FMN1: variants seen among roughly 807,000 people sequenced by gnomAD.
The protein encoded by FMN1 is formin 1.
In FMN1, 110 loss-of-function variants were observed where a neutral mutation model predicts 132.4. The observed-to-expected ratio is 0.83, with a 90% CI of 0.71 to 0.97. FMN1 has a LOEUF of 0.97. FMN1 is among the 50% of genes least tolerant of loss of function. The pLI is 0.00. For synonymous variants in FMN1, 722 were observed against 651.7 expected, an observed-to-expected ratio of 1.11 and a Z score of -1.64; for missense variants, 1,792 against 1,705.3, an observed-to-expected ratio of 1.05 and a Z score of -0.90.
rs191967778 is a variant in FMN1 at position 33,035,796 on chromosome 15, A to C, written c.2162-27721T>G. On this transcript the variant is annotated intron_variant, in intron 6 of 20. Coordinates refer to ENST00000616417, the MANE Select transcript of FMN1 (RefSeq NM_001277313.2). ...CCCCCTCCAAAACTCATGTTAAAAC[A>C]TAGCCCACAATGTGGCAATATTTTG... is the stretch of plus-strand genomic sequence containing the variant. 2.0e-5 allele frequency among the ~76,000 whole-genome samples: 3 copies of C among 152,356 alleles called. No homozygotes were observed. The East Asian group carries it at 5.8e-4, about 29-fold the overall frequency.
chr15:32,808,650 G>A (rs1489541297), intron 17 of FMN1, among the ~76,000 whole-genome samples: 1 of 152,208 alleles, frequency 6.6e-6, no homozygotes, highest in Admixed American at 6.5e-5. Context: ...ACCTTGCAAA[G>A]TGCTTGTGAC....
intron 6 of FMN1, among the ~76,000 whole-genome samples, chr15:33,045,329 G>C (rs917282102): frequency 6.6e-6 from 1 of 152,190 alleles, no homozygotes; most frequent in East Asian, 1.9e-4. Flanking sequence ...TGGAGTCCAG[G>C]CCAGTAGCAC....
chr15:32,922,737 G>A (rs572294484), intron 10 of FMN1, among the ~76,000 whole-genome samples: 4 of 152,304 alleles, frequency 2.6e-5, no homozygotes, highest in South Asian at 4.1e-4. Flanking sequence ...AAATTGGAAT[G>A]CCTGAAGCTA....
At chr15:32,903,197 G>A (rs751719363) in intron 12 of FMN1, among the ~76,000 whole-genome samples, 25 of 152,098 alleles carry the variant, frequency 1.6e-4, no homozygotes, top group Middle Eastern at 3.2e-3. Context: ...TTTAATGAAA[G>A]CAAGGAATAT....
At chr15:32,814,937 TTTATTA>T (rs141495665) in intron 17 of FMN1, among the ~76,000 whole-genome samples, 3 of 151,032 alleles carry the variant, frequency 2.0e-5, no homozygotes, top group East Asian at 2.0e-4. Context: ...TTTATTTTAT[TTTATTA>T]TTATTATTAT....
intron 6 of FMN1, chr15:33,063,385 T>TCA (rs2141239129): frequency 6.6e-6 from 1 of 152,496 alleles, no homozygotes; most frequent in African/African-American, 2.4e-5. Flanking sequence ...TCCACACCAC[T>TCA]CAGCCTCCCT....
At chr15:33,035,270 T>C (rs2036136405) in intron 6 of FMN1, among the ~76,000 whole-genome samples, 1 of 152,226 alleles carries the variant, frequency 6.6e-6, no homozygotes, top group African/African-American at 2.4e-5. Flanking sequence ...ATCTGTGATT[T>C]CCTATTGCTG....
At chr15:33,072,094 AC>A (rs1436419134) in intron 5 of FMN1, among the ~76,000 whole-genome samples, 4 of 152,168 alleles carry the variant, frequency 2.6e-5, no homozygotes, top group Non-Finnish European at 4.4e-5. Flanking sequence ...AAACAAAAAA[AC>A]AACCTTATAC....
At chr15:32,900,195 A>C in intron 13 of FMN1, 70 bp from the exon 14 acceptor site, 24 of 1,531,064 alleles carry the variant, frequency 1.6e-5, no homozygotes, top group African/African-American at 2.7e-5. Context: ...AGTAACAAAT[A>C]TCGACTGTGT....
intron 6 of FMN1, chr15:33,064,203 T>A (rs1217865514): frequency 6.6e-6 from 1 of 152,190 alleles, no homozygotes; most frequent in African/African-American, 2.4e-5. Flanking sequence ...CACATACACC[T>A]AATAAAAACA....
chr15:32,891,969 G>A (rs886361159), intron 15 of FMN1, among the ~76,000 whole-genome samples: 1 of 152,114 alleles, frequency 6.6e-6, no homozygotes, highest in African/African-American at 2.4e-5. Flanking sequence ...AGTCTTTAGG[G>A]TTTTCAAGGT....
intron 7 of FMN1, among the ~76,000 whole-genome samples, chr15:32,978,852 T>C (rs1320197493): frequency 2.0e-5 from 3 of 152,212 alleles, no homozygotes; most frequent in South Asian, 4.1e-4. Context: ...TTGCCTTACA[T>C]ACTCCCAACA....
At chr15:32,873,238 A>T (rs72717699) in intron 16 of FMN1, among the ~76,000 whole-genome samples, 4,191 of 152,364 alleles carry the variant, frequency 0.028, 97 homozygotes, top group Middle Eastern at 0.075. Flanking sequence ...CCTATAAACA[A>T]GGTTTCATAT....
intron 9 of FMN1, among the ~76,000 whole-genome samples, chr15:32,963,571 T>A (rs2030849331): frequency 6.6e-6 from 1 of 152,210 alleles, no homozygotes; most frequent in African/African-American, 2.4e-5. Context: ...TTTAATTTCA[T>A]TATTTAATAG....
In FMN1 at chr15:32,778,177, T is replaced by G. The variant is rs1053539778; in HGVS notation, c.4131-1258A>C. ...CATTTATTATATATTATATAATACA[T>G]TTATTTATATATTATATAATACATT... is the stretch of plus-strand genomic sequence containing the variant. On this transcript the variant is annotated intron_variant, in intron 19 of 20. Transcript: ENST00000616417. Among the ~76,000 whole-genome samples the G allele has an allele frequency of 2.0e-5, 2 of 101,614 alleles. 1 individual carries two copies. The highest frequency in any genetic ancestry group is 3.9e-5 in the Non-Finnish European group (2 of 50,980). 66.7% of individuals were successfully genotyped at this position (101,614 alleles called of 152,430 possible). A position where few individuals can be genotyped will look rare whatever the true frequency, so the allele number is the denominator to read the frequency against.
intron 4 of FMN1, among the ~76,000 whole-genome samples, chr15:33,131,737 G>A (rs1261922383): frequency 6.6e-6 from 1 of 152,092 alleles, no homozygotes; most frequent in South Asian, 2.1e-4. Flanking sequence ...GGGGAGGTCT[G>A]AGCCCTGGAA....
At chr15:33,123,208 G>T (rs753007871) in intron 4 of FMN1, among the ~76,000 whole-genome samples, 1 of 151,722 alleles carries the variant, frequency 6.6e-6, no homozygotes, top group African/African-American at 2.4e-5. Flanking sequence ...CCCATCAACT[G>T]GGGATCACCA....
At chr15:33,035,946 A>C (rs969474406) in intron 6 of FMN1, among the ~76,000 whole-genome samples, 5 of 152,156 alleles carry the variant, frequency 3.3e-5, no homozygotes, top group Non-Finnish European at 7.3e-5. Context: ...TGGTGGCTTT[A>C]TAAGAAGAGG....
chr15:32,924,501 T>G (rs373548679), intron 10 of FMN1, among the ~76,000 whole-genome samples: 62 of 152,192 alleles, frequency 4.1e-4, no homozygotes, highest in African/African-American at 1.4e-3. Context: ...CTAAACAACA[T>G]GAACTGAAAC....
Sources: allele counts gnomAD v4.1 joint callset (sites outside exome capture counted in the v4.1 genomes callset), GRCh38; gene constraint gnomAD v4.1.1; transcripts MANE v1.5; gene names NCBI Gene and HGNC (gene_info 2026-07-23, HGNC 2026-07-21).